Variants in CNTNAP2 observed in about 807,000 individuals in gnomAD.
CNTNAP2 encodes the protein contactin associated protein 2.
CNTNAP2 carries 98 observed loss-of-function variants against 155.2 expected under a neutral mutation model. The ratio of observed to expected loss-of-function variants is 0.63; its 90% CI spans 0.54 to 0.75. The LOEUF (loss-of-function observed/expected upper bound fraction) is 0.75. Ranked by LOEUF, CNTNAP2 falls within the 30% of genes least tolerant of loss-of-function variation. The probability of loss-of-function intolerance (pLI) is 0.00; values close to 1 mark genes in which losing one functional copy is unlikely to be tolerated. For missense variants in CNTNAP2, 1,727 were observed against 1,688.1 expected (o/e 1.02, Z -0.40); for synonymous variants, 651 against 631.2 (o/e 1.03, Z -0.47).
In CNTNAP2 at chr7:148,415,547, C is replaced by A. The variant is rs143856702; in HGVS notation, c.3927C>A (p.Ala1309=). 1.2e-6 allele frequency: 2 copies of A among 1,614,182 alleles called. No homozygotes were observed. The highest frequency in any genetic ancestry group is 8.5e-7 in the Non-Finnish European group (1 of 1,180,034). ...CGGAGTCGGCAGAGAGCGCGGACGCCGCCATCATGAACAACGACCCCAACT... is the reference window on the plus strand; with the variant it reads ...CGGAGTCGGCAGAGAGCGCGGACGCAGCCATCATGAACAACGACCCCAACT... ...KGAESAESAD[A]AIMNNDPNFT... The change falls in exon 24 of 24, where the codon GCC becomes GCA. Residue 1309 remains alanine, a synonymous_variant. Coordinates refer to ENST00000361727, the MANE Select transcript of CNTNAP2 (RefSeq NM_014141.6).
At chr7:147,579,971 A>G (rs1293266027) in intron 12 of CNTNAP2, among the ~76,000 whole-genome samples, 1 of 152,208 alleles carries the variant, frequency 6.6e-6, no homozygotes, top group Non-Finnish European at 1.5e-5. Context: ...ACAAATTGTC[A>G]AAATTGAATA....
At chr7:146,832,088 T>G (rs1453324053) in intron 2 of CNTNAP2, among the ~76,000 whole-genome samples, 1 of 152,188 alleles carries the variant, frequency 6.6e-6, no homozygotes, top group African/African-American at 2.4e-5. Flanking sequence ...AGCCTGTTTA[T>G]CCACTTCTCA....
intron 13 of CNTNAP2, among the ~76,000 whole-genome samples, chr7:147,824,970 T>C (rs748665629): frequency 4.6e-5 from 7 of 152,062 alleles, no homozygotes; most frequent in Admixed American, 2.6e-4. Context: ...ACTCAAGTAA[T>C]GGAAAGGAAA....
chr7:146,585,313 G>A (rs1798672292), intron 1 of CNTNAP2, among the ~76,000 whole-genome samples: 1 of 151,816 alleles, frequency 6.6e-6, no homozygotes, highest in African/African-American at 2.4e-5. Flanking sequence ...GTAGAGACCA[G>A]GTTTCACCAT....
chr7:147,428,387 A>G (rs965319834), intron 10 of CNTNAP2, among the ~76,000 whole-genome samples: 1 of 152,128 alleles, frequency 6.6e-6, no homozygotes, highest in Admixed American at 6.6e-5. Context: ...TCATCTAGAC[A>G]GTGTAAGATG....
chr7:147,603,452 G>A (rs1485227419), intron 12 of CNTNAP2, among the ~76,000 whole-genome samples: 1 of 152,092 alleles, frequency 6.6e-6, no homozygotes, highest in Non-Finnish European at 1.5e-5. Context: ...GCCAAATCAT[G>A]AGTGAACTCC....
chr7:146,844,985 A>T (rs1803814267), intron 3 of CNTNAP2, among the ~76,000 whole-genome samples: 1 of 152,174 alleles, frequency 6.6e-6, no homozygotes, highest in African/African-American at 2.4e-5. Flanking sequence ...ATAGGGATAA[A>T]CAAATTCATA....
intron 8 of CNTNAP2, among the ~76,000 whole-genome samples, chr7:147,271,161 C>A (rs548112489): frequency 6.6e-6 from 1 of 152,116 alleles, no homozygotes; most frequent in Admixed American, 6.5e-5. Flanking sequence ...ATGATAACAC[C>A]TCGTTAAATT....
intron 10 of CNTNAP2, among the ~76,000 whole-genome samples, chr7:147,437,463 T>A (rs946374301): frequency 7.2e-5 from 11 of 152,154 alleles, no homozygotes; most frequent in Non-Finnish European, 1.3e-4. Context: ...CCAGAATGTC[T>A]TTTTTCCAGT....
At chr7:147,222,865 T>C (rs917070606) in intron 8 of CNTNAP2, among the ~76,000 whole-genome samples, 1 of 150,118 alleles carries the variant, frequency 6.7e-6, no homozygotes, top group East Asian at 2.0e-4. Flanking sequence ...GATGGTTACA[T>C]TGGGCTGGAG....
intron 14 of CNTNAP2, among the ~76,000 whole-genome samples, chr7:147,938,355 G>C (rs1399918801): frequency 1.3e-5 from 2 of 152,050 alleles, no homozygotes; most frequent in African/African-American, 4.8e-5. Flanking sequence ...CAATTGGATG[G>C]ATTATGATAA....
At chr7:147,299,433 GTT>G (rs34268441) in intron 8 of CNTNAP2, among the ~76,000 whole-genome samples, 4,186 of 143,240 alleles carry the variant, frequency 0.029, 196 homozygotes, top group African/African-American at 0.099. Flanking sequence ...TTATTTTGCT[GTT>G]TTTTTTTTTT....
intron 16 of CNTNAP2, among the ~76,000 whole-genome samples, chr7:148,140,943 G>A (rs1424604551): frequency 6.6e-6 from 1 of 152,178 alleles, no homozygotes; most frequent in Non-Finnish European, 1.5e-5. Context: ...TCTCTGTTGA[G>A]GACAAGAAAG....
intron 21 of CNTNAP2, among the ~76,000 whole-genome samples, chr7:148,356,947 C>T (rs1229010036): frequency 6.6e-6 from 1 of 151,882 alleles, no homozygotes; most frequent in African/African-American, 2.4e-5. Flanking sequence ...TGCTCCAGTG[C>T]TTAACAAATC....
At chr7:147,946,703 G>A (rs773427854) in intron 14 of CNTNAP2, among the ~76,000 whole-genome samples, 2 of 152,070 alleles carry the variant, frequency 1.3e-5, no homozygotes, top group African/African-American at 4.8e-5. Flanking sequence ...GTGAGACCAG[G>A]ACAAGCCAAG....
chr7:147,095,527 A>T (rs1248382647), intron 4 of CNTNAP2, among the ~76,000 whole-genome samples: 1 of 151,426 alleles, frequency 6.6e-6, no homozygotes, highest in Non-Finnish European at 1.5e-5. Flanking sequence ...ATATATGTAT[A>T]TATATATATT....
At chr7:146,980,416 A>G (rs766692530) in intron 3 of CNTNAP2, among the ~76,000 whole-genome samples, 9 of 152,202 alleles carry the variant, frequency 5.9e-5, no homozygotes, top group Non-Finnish European at 1.0e-4. Context: ...GGAGCAGAAC[A>G]GTCCAGGTAA....
At chr7:146,428,284 T>C (rs555268930) in intron 1 of CNTNAP2, among the ~76,000 whole-genome samples, 1 of 152,290 alleles carries the variant, frequency 6.6e-6, no homozygotes, top group African/African-American at 2.4e-5. Flanking sequence ...CTGGGTCAAA[T>C]GGTATTTCTG....
intron 13 of CNTNAP2, among the ~76,000 whole-genome samples, chr7:147,734,923 C>T (rs1451902453): frequency 1.3e-5 from 2 of 151,220 alleles, no homozygotes; most frequent in East Asian, 3.9e-4. Context: ...CTTTATTAGT[C>T]TTGCTAGCGG....
Sources: gnomAD v4.1 joint callset for allele counts (sites outside exome capture counted in the v4.1 genomes callset) on GRCh38, gnomAD v4.1.1 for gene constraint, MANE v1.5 for transcripts, NCBI Gene and HGNC (gene_info 2026-07-23, HGNC 2026-07-21) for gene names.